Variants in PPP2R3C observed in about 807,000 individuals in gnomAD.
PPP2R3C encodes serine/threonine-protein phosphatase 2A regulatory subunit B'' subunit gamma.
A neutral mutation model predicts 63.7 loss-of-function variants in PPP2R3C; 47 were observed. The observed-to-expected ratio is 0.74, with a 90% CI of 0.58 to 0.94. The LOEUF (loss-of-function observed/expected upper bound fraction) is 0.94, where lower values mean the gene tolerates loss of function less well. Among genes scored for constraint, PPP2R3C ranks in the 40% least tolerant of loss-of-function variants. The pLI is 0.00. For missense variants in PPP2R3C, 421 were observed against 518.4 expected (o/e 0.81, Z 1.82); for synonymous variants, 180 against 177.4 (o/e 1.01, Z -0.12).
intron 10 of PPP2R3C, among the ~76,000 whole-genome samples, chr14:35,093,755 C>CA: frequency 6.6e-6 from 1 of 151,956 alleles, no homozygotes; most frequent in East Asian, 1.9e-4. Flanking sequence ...CACACCATTA[C>CA]ACCATTCTGC....
chr14:35,117,087 C>T lies in PPP2R3C; in HGVS notation c.59-350G>A, dbSNP rs181880961. ...CTGAGCACCTACTATGTACAGAGAA[C>T]GCTGTAGTAGACACGGAATGAGGGG... On this transcript the variant is annotated intron_variant, in intron 1 of 12. Coordinates refer to ENST00000261475, the MANE Select transcript of PPP2R3C (RefSeq NM_017917.4). 12 of 455,876 alleles carry T rather than the reference C, an allele frequency of 2.6e-5. No individual in the cohort carries two copies. The East Asian group carries it at 2.8e-4, about 11-fold the overall frequency. The allele number at this position is 455,876 out of a possible 1,614,324, so 28.2% of individuals were successfully genotyped here.
intron 10 of PPP2R3C, among the ~76,000 whole-genome samples, chr14:35,093,699 T>G (rs1370254166): frequency 7.9e-5 from 12 of 151,962 alleles, no homozygotes. Context: ...CAGGCTGGAG[T>G]GCAGTGGCGC....
chr14:35,114,954 A>G (rs565084771), intron 2 of PPP2R3C, among the ~76,000 whole-genome samples: 1 of 151,826 alleles, frequency 6.6e-6, no homozygotes. Flanking sequence ...AGATCGTGCC[A>G]TTGCACTCCG....
At chr14:35,106,066 C>T (rs942726318) in intron 6 of PPP2R3C, among the ~76,000 whole-genome samples, 3 of 151,276 alleles carry the variant, frequency 2.0e-5, no homozygotes, top group Admixed American at 6.6e-5. Flanking sequence ...AGAATGGTCT[C>T]GATCTCCTGA....
chr14:35,120,093 C>T (rs938350704), intron 1 of PPP2R3C, among the ~76,000 whole-genome samples: 12 of 151,834 alleles, frequency 7.9e-5, no homozygotes, highest in African/African-American at 2.9e-4. Context: ...CCCGCCTCGG[C>T]CTCCCAAAGT....
At chr14:35,121,253 T>G (rs899837004) in intron 1 of PPP2R3C, among the ~76,000 whole-genome samples, 1 of 152,012 alleles carries the variant, frequency 6.6e-6, no homozygotes, top group African/African-American at 2.4e-5. Flanking sequence ...TGCGCGCGCT[T>G]ATAGTTCCAG....
At chr14:35,113,889 GA>G (rs2046634376) in intron 2 of PPP2R3C, among the ~76,000 whole-genome samples, 1 of 151,976 alleles carries the variant, frequency 6.6e-6, no homozygotes. Context: ...ATCAATTCCT[GA>G]TTTTTTTTTA....
At chr14:35,115,763 C>T (rs778227458) in intron 2 of PPP2R3C, among the ~76,000 whole-genome samples, 24 of 151,704 alleles carry the variant, frequency 1.6e-4, no homozygotes, top group Non-Finnish European at 2.8e-4. Flanking sequence ...CTAGGATTAC[C>T]GGCGCGCGCC....
upstream of PPP2R3C, chr14:35,122,059 A>C (rs1351626997): frequency 7.9e-5 from 102 of 1,298,318 alleles, no homozygotes; most frequent in Non-Finnish European, 1.1e-4. Context: ...AAAGGTTAGG[A>C]AGGCCGTCCA....
intron 12 of PPP2R3C, chr14:35,087,589 G>C (rs879866223): frequency 5.2e-6 from 1 of 193,794 alleles, no homozygotes. Context: ...TAGTAGAGAC[G>C]GGGTTTCACC....
intron 6 of PPP2R3C, 113 bp from the exon 7 acceptor site, chr14:35,099,497 G>A: frequency 8.0e-7 from 1 of 1,252,200 alleles, no homozygotes; most frequent in Non-Finnish European, 1.1e-6. Flanking sequence ...AGAAATAAAT[G>A]CATGACTATT....
chr14:35,092,104 T>TA (rs1294299209), intron 10 of PPP2R3C, among the ~76,000 whole-genome samples: 4 of 152,204 alleles, frequency 2.6e-5, no homozygotes, highest in African/African-American at 9.7e-5. Context: ...GGTCTCACTT[T>TA]ATCAACCAGG....
At chr14:35,098,355 T>TG (rs2046071962) in intron 7 of PPP2R3C, among the ~76,000 whole-genome samples, 1 of 146,306 alleles carries the variant, frequency 6.8e-6, no homozygotes, top group South Asian at 2.2e-4. Context: ...AGTTTTTTTT[T>TG]TTTTTTTTTT....
chr14:35,096,847 G>A (rs1390747296), intron 7 of PPP2R3C, 83 bp from the exon 8 acceptor site: 3 of 1,205,952 alleles, frequency 2.5e-6, no homozygotes, highest in East Asian at 2.6e-5. Flanking sequence ...TTTTTAACAA[G>A]AGCAATCACA....
Position 35,116,356 on chromosome 14 carries a change from ATCC to A in PPP2R3C, c.186+251_186+253del, listed in dbSNP as rs200902552. 1.9e-3 allele frequency among the ~76,000 whole-genome samples: 295 copies of A among 152,220 alleles called. 3 individuals carry two copies. The East Asian group carries it at 0.049, about 25-fold the overall frequency. ...TGCCTCGATCTCCTGGGCTCAAGTA[ATCC>A]TCCTGCTTCAGCCTCCTGAGAAGCT... On this transcript the variant is annotated intron_variant, in intron 2 of 12. Transcript: ENST00000261475.
chr14:35,088,878 T>A (rs1409808062), intron 11 of PPP2R3C, among the ~76,000 whole-genome samples: 1 of 152,226 alleles, frequency 6.6e-6, no homozygotes, highest in Non-Finnish European at 1.5e-5. Flanking sequence ...AATGCCTATA[T>A]GAAATATTTT....
At chr14:35,091,704 G>A (rs1194020878) in intron 10 of PPP2R3C, among the ~76,000 whole-genome samples, 3 of 151,378 alleles carry the variant, frequency 2.0e-5, no homozygotes, top group Admixed American at 6.6e-5. Flanking sequence ...GGACAGTTTT[G>A]AGGACATAGT....
At chr14:35,107,267 T>C in intron 6 of PPP2R3C, 37 bp downstream of exon 6, 4 of 1,472,828 alleles carry the variant, frequency 2.7e-6, no homozygotes, top group Non-Finnish European at 3.8e-6. Context: ...TTAGTGTCTA[T>C]AAGAGTTAAT....
chr14:35,120,224 A>T (rs536419612), intron 1 of PPP2R3C, among the ~76,000 whole-genome samples: 2 of 150,802 alleles, frequency 1.3e-5, no homozygotes, highest in African/African-American at 4.9e-5. Context: ...TAAGGGGGAC[A>T]GGTGATGTTC....
Sources: gnomAD v4.1 joint callset for allele counts (sites outside exome capture counted in the v4.1 genomes callset) on GRCh38, gnomAD v4.1.1 for gene constraint, MANE v1.5 for transcripts, NCBI Gene and HGNC (gene_info 2026-07-23, HGNC 2026-07-21) for gene names.